ATP8B4: variants seen among roughly 807,000 people sequenced by gnomAD.
ATP8B4 encodes probable phospholipid-transporting ATPase IM.
Under a neutral mutation model 145.6 loss-of-function variants are expected in ATP8B4, and 133 were observed. The observed-to-expected ratio is 0.91, with a 90% CI of 0.79 to 1.05. ATP8B4 has a LOEUF of 1.05. ATP8B4 is among the 50% of genes least tolerant of loss of function. The probability of loss-of-function intolerance (pLI) is 0.00; values close to 1 mark genes in which losing one functional copy is unlikely to be tolerated. For synonymous variants in ATP8B4, 507 were observed against 492.9 expected (o/e 1.03, Z -0.38); for missense variants, 1,458 against 1,425.2 (o/e 1.02, Z -0.37).
intron 26 of ATP8B4, among the ~76,000 whole-genome samples, chr15:49,865,815 C>G (rs1016595845): frequency 6.6e-6 from 1 of 152,230 alleles, no homozygotes; most frequent in East Asian, 1.9e-4. Context: ...TTAAGTGGCA[C>G]AGCTGGCGCT....
chr15:50,085,888 T>C (rs1484398836), intron 2 of ATP8B4, among the ~76,000 whole-genome samples: 2 of 85,848 alleles, frequency 2.3e-5, no homozygotes, highest in African/African-American at 7.5e-5. Context: ...TATATATTTA[T>C]ATATGATATA....
intron 23 of ATP8B4, chr15:49,880,366 T>A (rs777261923): frequency 3.9e-5 from 6 of 152,128 alleles, no homozygotes; most frequent in Non-Finnish European, 5.9e-5. Context: ...GTAGGCCCCA[T>A]GAAACAACCC....
intron 1 of ATP8B4, among the ~76,000 whole-genome samples, chr15:50,178,767 T>C (rs376547032): frequency 2.6e-5 from 4 of 152,346 alleles, no homozygotes; most frequent in South Asian, 2.1e-4. Flanking sequence ...AAAATATGCA[T>C]AACATAAAAA....
At chr15:50,001,827 G>C (rs939573468) in intron 8 of ATP8B4, among the ~76,000 whole-genome samples, 3 of 151,928 alleles carry the variant, frequency 2.0e-5, no homozygotes, top group Non-Finnish European at 4.4e-5. Context: ...AAGGAATCTT[G>C]ATCTCTACCC....
intron 1 of ATP8B4, among the ~76,000 whole-genome samples, chr15:50,170,898 A>C (rs1172546827): frequency 6.6e-6 from 1 of 152,232 alleles, no homozygotes; most frequent in Non-Finnish European, 1.5e-5. Flanking sequence ...AAAAGTGAGC[A>C]GGTGTAGCTA....
chr15:50,132,665 G>A (rs1418259080), intron 1 of ATP8B4, among the ~76,000 whole-genome samples: 2 of 152,186 alleles, frequency 1.3e-5, no homozygotes, highest in Non-Finnish European at 2.9e-5. Context: ...GCACAGATAT[G>A]TTTACTGCAG....
At position 50,113,293 on chromosome 15, in the gene ATP8B4, G is replaced by A. The variant is rs1030062693; in HGVS notation, c.-43+5830C>T. 2.0e-5 allele frequency: 3 copies of A among 152,336 alleles called. No individual in the cohort carries two copies. In the East Asian group the frequency reaches 5.8e-4, roughly 29 times the overall value. The allele number at this position is 152,336 out of a possible 1,614,324, so 9.4% of individuals were successfully genotyped here. On this transcript the variant is annotated intron_variant, in intron 1 of 27. Coordinates refer to ENST00000284509, the MANE Select transcript of ATP8B4 (RefSeq NM_024837.4). ...AGAGATGGGCGATCCAGATGAAGCAGAGTAATCTCAGCCTTGGGAGCTGAG... is the reference window on the plus strand; with the variant it reads ...AGAGATGGGCGATCCAGATGAAGCAAAGTAATCTCAGCCTTGGGAGCTGAG...
intron 9 of ATP8B4, among the ~76,000 whole-genome samples, chr15:49,993,751 T>A (rs1369583863): frequency 6.6e-6 from 1 of 152,138 alleles, no homozygotes; most frequent in African/African-American, 2.4e-5. Context: ...AGCCCAAGAT[T>A]TTAAAATGAA....
chr15:50,062,244 C>A (rs1335798378), intron 3 of ATP8B4, among the ~76,000 whole-genome samples: 1 of 152,136 alleles, frequency 6.6e-6, no homozygotes, highest in African/African-American at 2.4e-5. Flanking sequence ...TTATCACCAT[C>A]CCCCTTGGTA....
intron 2 of ATP8B4, among the ~76,000 whole-genome samples, chr15:50,106,261 G>A (rs551336486): frequency 1.1e-4 from 16 of 152,254 alleles, no homozygotes; most frequent in African/African-American, 2.6e-4. Flanking sequence ...TTGGACACAC[G>A]TCCACTGAAG....
At chr15:50,065,234 C>G (rs558260883) in intron 3 of ATP8B4, among the ~76,000 whole-genome samples, 7 of 151,266 alleles carry the variant, frequency 4.6e-5, no homozygotes, top group Non-Finnish European at 8.9e-5. Context: ...TTTTATTTGT[C>G]AAAAAAAAGA....
intron 26 of ATP8B4, among the ~76,000 whole-genome samples, chr15:49,862,677 C>A (rs1418261030): frequency 1.3e-5 from 2 of 152,118 alleles, no homozygotes; most frequent in African/African-American, 4.8e-5. Context: ...CCAGGATGGT[C>A]TCGATCTGAC....
At chr15:49,944,072 A>G (rs1001981535) in intron 14 of ATP8B4, among the ~76,000 whole-genome samples, 2 of 152,202 alleles carry the variant, frequency 1.3e-5, no homozygotes, top group African/African-American at 4.8e-5. Context: ...TAGAACTTAC[A>G]TAAAAGAAAA....
chr15:49,955,103 T>C (rs1181270436), intron 14 of ATP8B4, among the ~76,000 whole-genome samples: 2 of 152,180 alleles, frequency 1.3e-5, no homozygotes, highest in South Asian at 2.1e-4. Context: ...TTCTCACTTA[T>C]AAGTGGAAGC....
intron 2 of ATP8B4, among the ~76,000 whole-genome samples, chr15:50,090,068 C>A (rs145556498): frequency 1.3e-5 from 2 of 151,942 alleles, no homozygotes; most frequent in Admixed American, 1.3e-4. Context: ...TGCAGGGACA[C>A]GGATGGAGCT....
chr15:49,996,646 TTTTG>T (rs746407860), intron 9 of ATP8B4, 27 bp downstream of exon 9: 15 of 1,515,828 alleles, frequency 9.9e-6, no homozygotes, highest in Middle Eastern at 3.5e-4. Context: ...GGTTTGAGGT[TTTTG>T]TTTGTTTATC....
chr15:49,923,564 G>T, intron 16 of ATP8B4, 70 bp from the exon 17 acceptor site: 1 of 1,087,404 alleles, frequency 9.2e-7, no homozygotes, highest in South Asian at 1.5e-5. Flanking sequence ...TTCTCCCAGA[G>T]CTCCAGCCTG....
chr15:49,923,502 G>A lies in ATP8B4; in HGVS notation c.1643-8C>T. 1.3e-6 allele frequency: 2 copies of A among 1,573,608 alleles called. No individual in the cohort carries two copies. The highest frequency in any genetic ancestry group is 8.6e-7 in the Non-Finnish European group (1 of 1,157,880). ...GTCCTTCTGGGTTTCGAACTGAAAA[G>A]AAAAAAGTTTGGAAAAGCAGAATAT... is the stretch of plus-strand genomic sequence containing the variant. On this transcript the variant is annotated splice_region_variant and splice_polypyrimidine_tract_variant and intron_variant, in intron 16 of 27. Coordinates refer to ENST00000284509, the MANE Select transcript of ATP8B4 (RefSeq NM_024837.4).
intron 20 of ATP8B4, among the ~76,000 whole-genome samples, chr15:49,910,969 C>T (rs1477251139): frequency 6.6e-6 from 1 of 152,002 alleles, no homozygotes; most frequent in African/African-American, 2.4e-5. Flanking sequence ...AAGTGCAAAA[C>T]TCACTGGTAA....
Sources: gnomAD v4.1 joint callset for allele counts (sites outside exome capture counted in the v4.1 genomes callset) on GRCh38, gnomAD v4.1.1 for gene constraint, MANE v1.5 for transcripts, NCBI Gene and HGNC (gene_info 2026-07-23, HGNC 2026-07-21) for gene names.